DGKI: variants seen among roughly 807,000 people sequenced by gnomAD.
The protein encoded by DGKI is DAG kinase iota.
A neutral mutation model predicts 147.5 loss-of-function variants in DGKI; 55 were observed. That is an observed-to-expected ratio of 0.37 (90% CI 0.30 to 0.47). The LOEUF (loss-of-function observed/expected upper bound fraction) is 0.47. DGKI is among the 20% of genes least tolerant of loss of function. The pLI is 1.00. For synonymous variants in DGKI, 469 were observed against 477.1 expected, an observed-to-expected ratio of 0.98 and a Z score of 0.22; for missense variants, 1,007 against 1,323.8, an observed-to-expected ratio of 0.76 and a Z score of 3.71.
rs573320835 is a variant in DGKI, at chr7:137,732,814, A to T, written c.402-42812T>A. Among the ~76,000 whole-genome samples, 3 of 151,676 alleles carry T rather than the reference A, an allele frequency of 2.0e-5. No individual in the cohort carries two copies. In the South Asian group the frequency reaches 6.3e-4, roughly 32 times the overall value. ...GGCCTCCCCGCCCCACATAGTCTCC[A>T]CAACACACATACATACACACACATG... On this transcript the variant is annotated intron_variant, in intron 1 of 32. Transcript: ENST00000614521.
intron 1 of DGKI, among the ~76,000 whole-genome samples, chr7:137,808,027 C>A (rs2116987910): frequency 6.6e-6 from 1 of 152,338 alleles, no homozygotes; most frequent in Non-Finnish European, 1.5e-5. Context: ...GGCTTACAGA[C>A]CACACTTTGT....
chr7:137,711,684 C>CTTTTT lies in DGKI; in HGVS notation c.402-21687_402-21683dup, dbSNP rs71177918. On this transcript the variant is annotated intron_variant, in intron 1 of 32. Transcript: ENST00000614521. Reference sequence around the variant, plus strand: ...CTCATCCGTAAAATGGGGATACCAACTTTTTTTTTTTTTTTTTTTTTTTTT... The same window carrying CTTTTT: ...CTCATCCGTAAAATGGGGATACCAACTTTTTTTTTTTTTTTTTTTTTTTTTTTTTT... Among the ~76,000 whole-genome samples the CTTTTT allele has an allele frequency of 5.0e-5, 4 of 79,732 alleles. 1 individual carries two copies. Among genetic ancestry groups the CTTTTT allele is most frequent in the East Asian group, 8.8e-4 (2 of 2,284 alleles). 52.3% of individuals were successfully genotyped at this position (79,732 alleles called of 152,430 possible).
chr7:137,427,917 C>A (rs1812889173), intron 28 of DGKI, among the ~76,000 whole-genome samples: 1 of 151,002 alleles, frequency 6.6e-6, no homozygotes, highest in Admixed American at 6.6e-5. Flanking sequence ...CAATAGCTTA[C>A]CAACCAAAAA....
chr7:137,516,220 G>A (rs1816740466), intron 21 of DGKI, among the ~76,000 whole-genome samples: 1 of 152,126 alleles, frequency 6.6e-6, no homozygotes. Flanking sequence ...TACTCATTAT[G>A]AATGATGTTG....
chr7:137,410,424 A>AAT (rs1178604204), intron 29 of DGKI, among the ~76,000 whole-genome samples: 48 of 152,290 alleles, frequency 3.2e-4, no homozygotes, highest in Admixed American at 1.3e-3. Flanking sequence ...AAACAAAATA[A>AAT]GGTGTTATTA....
At chr7:137,778,677 C>T (rs1796434279) in intron 1 of DGKI, among the ~76,000 whole-genome samples, 1 of 151,912 alleles carries the variant, frequency 6.6e-6, no homozygotes, top group Non-Finnish European at 1.5e-5. Context: ...CATTAAAAGA[C>T]AAACTGCAAT....
intron 27 of DGKI, among the ~76,000 whole-genome samples, chr7:137,459,507 C>T (rs917876727): frequency 1.7e-5 from 2 of 120,656 alleles, no homozygotes; most frequent in South Asian, 2.6e-4. Flanking sequence ...GATGGAGTCT[C>T]GCTGTTGCCC....
intron 19 of DGKI, among the ~76,000 whole-genome samples, chr7:137,564,449 AAG>A (rs1193770248): frequency 5.3e-5 from 8 of 152,168 alleles, no homozygotes; most frequent in Non-Finnish European, 1.2e-4. Context: ...TATAAACAAA[AAG>A]AATTTATTTT....
intron 20 of DGKI, chr7:137,546,051 C>A: frequency 1.6e-6 from 1 of 611,048 alleles, no homozygotes; most frequent in Non-Finnish European, 3.0e-6. Flanking sequence ...AAGAGAGACA[C>A]ACAAAATTTA....
intron 12 of DGKI, among the ~76,000 whole-genome samples, chr7:137,597,611 C>A (rs1469847007): frequency 6.6e-6 from 1 of 152,106 alleles, no homozygotes; most frequent in Non-Finnish European, 1.5e-5. Context: ...TACTTCATGG[C>A]ACACAAAAGA....
Position 137,385,964 on chromosome 7 carries a change from G to A in DGKI, c.*5256C>T, listed in dbSNP as rs1451668891. 1 of 152,114 alleles carries A rather than the reference G, an allele frequency of 6.6e-6. No homozygotes were observed. The highest frequency in any genetic ancestry group is 2.4e-5 in the African/African-American group (1 of 41,438). The allele number at this position is 152,114 out of a possible 1,614,324, so 9.4% of individuals were successfully genotyped here. On this transcript the variant is annotated 3_prime_UTR_variant, in exon 33 of 33. Coordinates refer to ENST00000614521, the MANE Select transcript of DGKI (RefSeq NM_001321708.2). ...ACATTCATTGTTATATCCTTAGTATGATGCCTGCCTCAGAGTGACAAATAT... is the reference window on the plus strand; with the variant it reads ...ACATTCATTGTTATATCCTTAGTATAATGCCTGCCTCAGAGTGACAAATAT...
chr7:137,659,174 A>C (rs1822329804), intron 3 of DGKI, among the ~76,000 whole-genome samples: 1 of 152,116 alleles, frequency 6.6e-6, no homozygotes, highest in African/African-American at 2.4e-5. Flanking sequence ...CAATTTCCTA[A>C]ATGGCAGCTT....
At chr7:137,799,993 T>C (rs954228986) in intron 1 of DGKI, among the ~76,000 whole-genome samples, 21 of 152,100 alleles carry the variant, frequency 1.4e-4, no homozygotes, top group African/African-American at 4.8e-4. Context: ...TAGACAACTG[T>C]TAGAAATAAA....
intron 27 of DGKI, among the ~76,000 whole-genome samples, chr7:137,454,462 T>G (rs973531706): frequency 3.9e-5 from 6 of 152,106 alleles, no homozygotes; most frequent in South Asian, 4.1e-4. Flanking sequence ...TGAGGAAGAA[T>G]GGGCGACAGT....
In DGKI at chr7:137,654,803, G is replaced by T. The variant is rs753531244; in HGVS notation, c.682-15C>A. On this transcript the variant is annotated splice_polypyrimidine_tract_variant and intron_variant, in intron 4 of 32. Coordinates refer to ENST00000614521, the MANE Select transcript of DGKI (RefSeq NM_001321708.2). ...CTGAAATTAATCTGTCATTCAAAAA[G>T]AAAAGTATATTATATTAGAGATAAG... 1 of 1,515,184 alleles carries T rather than the reference G, an allele frequency of 6.6e-7. No homozygotes were observed. Among genetic ancestry groups the T allele is most frequent in the Non-Finnish European group, 9.1e-7 (1 of 1,104,550 alleles). The allele number at this position is 1,515,184 out of a possible 1,614,324, so 93.9% of individuals were successfully genotyped here.
chr7:137,499,829 G>A (rs113171504), intron 21 of DGKI, among the ~76,000 whole-genome samples: 10 of 152,218 alleles, frequency 6.6e-5, no homozygotes, highest in African/African-American at 2.4e-4. Context: ...TCCCATAATA[G>A]ATGTCCTGTT....
chr7:137,482,674 C>T (rs1351571586), intron 23 of DGKI, among the ~76,000 whole-genome samples: 2 of 152,008 alleles, frequency 1.3e-5, no homozygotes, highest in Admixed American at 6.6e-5. Flanking sequence ...CTCCCAGCTT[C>T]GTGCTTCAAC....
rs1811251126 is a variant in DGKI at position 137,388,607 on chromosome 7, C to T, written c.*2613G>A. ...TAAGCTGAGATGGAAACTCCTAGACCATAAGGCCTTAGCTCTTTCCAAAGC... is the reference window on the plus strand; with the variant it reads ...TAAGCTGAGATGGAAACTCCTAGACTATAAGGCCTTAGCTCTTTCCAAAGC... On this transcript the variant is annotated 3_prime_UTR_variant, in exon 33 of 33. Coordinates refer to ENST00000614521, the MANE Select transcript of DGKI (RefSeq NM_001321708.2). 6.6e-6 allele frequency: 1 copy of T among 152,102 alleles called. No individual in the cohort carries two copies. The highest frequency in any genetic ancestry group is 1.5e-5 in the Non-Finnish European group (1 of 68,006). The allele number at this position is 152,102 out of a possible 1,614,324, so 9.4% of individuals were successfully genotyped here. A position where few individuals can be genotyped will look rare whatever the true frequency, so the allele number is the denominator to read the frequency against.
At chr7:137,585,843 C>G (rs1262078806) in intron 13 of DGKI, among the ~76,000 whole-genome samples, 1 of 152,178 alleles carries the variant, frequency 6.6e-6, no homozygotes, top group East Asian at 1.9e-4. Context: ...GCAAGTCTCA[C>G]TGAGGAATGG....
Sources: gnomAD v4.1 joint callset for allele counts (sites outside exome capture counted in the v4.1 genomes callset) on GRCh38, gnomAD v4.1.1 for gene constraint, MANE v1.5 for transcripts, NCBI Gene and HGNC (gene_info 2026-07-23, HGNC 2026-07-21) for gene names.